The following LYRM4 variants were observed in gnomAD, a reference collection of about 807,000 sequenced individuals.
LYRM4 encodes LYR motif containing 4, also known as LYR motif-containing protein 4.
In LYRM4, 9 loss-of-function variants were observed where a neutral mutation model predicts 11.7. The observed-to-expected ratio is 0.77, with a 90% CI of 0.46 to 1.34. The LOEUF is 1.34. LYRM4 is among the 40% of genes most tolerant of loss of function. The pLI is 0.00. For missense variants in LYRM4, 133 were observed against 112.5 expected, an observed-to-expected ratio of 1.18 and a Z score of -0.82; for synonymous variants, 42 against 40.4, an observed-to-expected ratio of 1.04 and a Z score of -0.15.
intron 2 of LYRM4, among the ~76,000 whole-genome samples, chr6:5,212,666 T>C (rs945887016): frequency 1.3e-5 from 2 of 152,210 alleles, no homozygotes; most frequent in Non-Finnish European, 2.9e-5. Flanking sequence ...AATCATCTTA[T>C]ATGGAAATAA....
the LYRM4 span, among the ~76,000 whole-genome samples, chr6:5,092,595 G>T: frequency 1.3e-5 from 2 of 151,810 alleles, no homozygotes; most frequent in African/African-American, 2.4e-5. Flanking sequence ...GTGCACACCT[G>T]TAGTCCCAGC....
the LYRM4 span, among the ~76,000 whole-genome samples, chr6:5,083,890 TAG>T: frequency 6.6e-6 from 1 of 152,158 alleles, no homozygotes. Flanking sequence ...CACATCCACA[TAG>T]GTTTAAATAC....
intron 2 of LYRM4, among the ~76,000 whole-genome samples, chr6:5,178,422 A>G (rs1759846849): frequency 6.6e-6 from 1 of 151,384 alleles, no homozygotes; most frequent in East Asian, 1.9e-4. Flanking sequence ...GGTTCTTAAA[A>G]AAATTGTTTA....
Position 5,153,978 on chromosome 6 carries a change from G to A in LYRM4, c.208-44487C>T, listed in dbSNP as rs142886475. 4.0e-3 allele frequency among the ~76,000 whole-genome samples: 606 copies of A among 152,086 alleles called. 3 individuals are homozygous for A. The highest frequency in any genetic ancestry group is 0.012 in the African/African-American group (515 of 41,460). ...TGGAATGCTCTGATTGTAAATTGCT[G>A]GCTCTTCCCTACATCTAGTAAAGAA... On this transcript the variant is annotated intron_variant, in intron 2 of 2. Transcript: ENST00000330636.
chr6:5,220,717 C>G (rs1016428989), intron 1 of LYRM4, among the ~76,000 whole-genome samples: 2 of 152,226 alleles, frequency 1.3e-5, no homozygotes, highest in African/African-American at 4.8e-5. Flanking sequence ...TGCCATCTGA[C>G]AATACTGTGT....
chr6:5,114,834 G>A (rs959153521), intron 2 of LYRM4, among the ~76,000 whole-genome samples: 2 of 152,122 alleles, frequency 1.3e-5, no homozygotes, highest in Non-Finnish European at 2.9e-5. Flanking sequence ...TGGACTGCAC[G>A]TGGCCCGCAG....
chr6:5,045,589 G>A, the LYRM4 span, among the ~76,000 whole-genome samples: 9 of 152,232 alleles, frequency 5.9e-5, no homozygotes, highest in Admixed American at 1.3e-4. Flanking sequence ...GAGCAGCTGC[G>A]CTGAGAATGA....
intron 2 of LYRM4, among the ~76,000 whole-genome samples, chr6:5,148,015 C>T (rs899082947): frequency 5.9e-5 from 9 of 152,164 alleles, no homozygotes; most frequent in Non-Finnish European, 7.4e-5. Context: ...ACACCAAGCT[C>T]GTTAGCACTC....
intron 1 of LYRM4, among the ~76,000 whole-genome samples, chr6:5,229,336 C>T (rs1309605684): frequency 6.6e-6 from 1 of 152,126 alleles, no homozygotes; most frequent in East Asian, 1.9e-4. Flanking sequence ...TGGAAATGGC[C>T]AATGTGGTGG....
rs565015893 is a variant in LYRM4, at chr6:5,192,682, T to A, written c.207+23936A>T. On this transcript the variant is annotated intron_variant, in intron 2 of 2. Transcript: ENST00000330636. ...GAGATCTAACTTCTGAATCTGCGCA[T>A]GGTTAAAAGGCACCAAATCCACAAC... 3.3e-5 allele frequency among the ~76,000 whole-genome samples: 5 copies of A among 152,208 alleles called. No individual in the cohort carries two copies. In the South Asian group the frequency reaches 8.3e-4, roughly 25 times the overall value.
chr6:5,153,033 G>A (rs1237446434), intron 2 of LYRM4, among the ~76,000 whole-genome samples: 2 of 152,214 alleles, frequency 1.3e-5, no homozygotes, highest in Non-Finnish European at 2.9e-5. Flanking sequence ...CTGCCTCTGT[G>A]TCCCAGGACT....
In LYRM4 at chr6:5,248,543, A is replaced by G. The variant is rs186746516; in HGVS notation, c.86+12105T>C. On this transcript the variant is annotated intron_variant, in intron 1 of 2. Transcript: ENST00000330636. Reference sequence around the variant, plus strand: ...CCCTCATCTCCCACTACATGCCATCAGCAACACAGAGTGCTAGTAGTTCCT... The same window carrying G: ...CCCTCATCTCCCACTACATGCCATCGGCAACACAGAGTGCTAGTAGTTCCT... Among the ~76,000 whole-genome samples the G allele has an allele frequency of 2.0e-5, 3 of 152,352 alleles. No individual in the cohort carries two copies. The East Asian group carries it at 5.8e-4, about 29-fold the overall frequency.
At chr6:5,079,063 A>G in the LYRM4 span, among the ~76,000 whole-genome samples, 42 of 152,304 alleles carry the variant, frequency 2.8e-4, no homozygotes, top group East Asian at 4.2e-3. Context: ...TAACCAGGAG[A>G]AAAGCACACA....
intron 2 of LYRM4, among the ~76,000 whole-genome samples, chr6:5,126,464 A>G (rs1763704763): frequency 1.3e-5 from 2 of 152,272 alleles, no homozygotes; most frequent in Admixed American, 1.3e-4. Flanking sequence ...AGTACAGTGC[A>G]AGAATGATTC....
At chr6:5,174,961 G>A (rs1043854789) in intron 2 of LYRM4, among the ~76,000 whole-genome samples, 2 of 152,186 alleles carry the variant, frequency 1.3e-5, no homozygotes, top group African/African-American at 2.4e-5. Flanking sequence ...CGTAATTAAT[G>A]CACAAAATGC....
At chr6:5,154,327 T>C (rs1041926721) in intron 2 of LYRM4, among the ~76,000 whole-genome samples, 12 of 152,156 alleles carry the variant, frequency 7.9e-5, no homozygotes, top group South Asian at 2.1e-4. Flanking sequence ...ACTGTGTCTA[T>C]AGGAGTCTGA....
intron 2 of LYRM4, among the ~76,000 whole-genome samples, chr6:5,183,585 C>T (rs1327933568): frequency 6.6e-6 from 1 of 152,206 alleles, no homozygotes; most frequent in East Asian, 1.9e-4. Flanking sequence ...TATGCCTCTA[C>T]AATCTCCAAT....
Position 5,214,980 on chromosome 6 carries a change from C to T in LYRM4, c.207+1638G>A, listed in dbSNP as rs988337900. Among the ~76,000 whole-genome samples, 4 of 152,142 alleles carry T rather than the reference C, an allele frequency of 2.6e-5. No individual in the cohort carries two copies. In the East Asian group the frequency reaches 7.7e-4, roughly 29 times the overall value. On this transcript the variant is annotated intron_variant, in intron 2 of 2. Transcript: ENST00000330636. ...CCCTTGCCCTGCACATGCCACTGCT[C>T]CAGTGCGTCTGTCCTGGGAGGGGAA...
At chr6:5,097,989 C>A in the LYRM4 span, among the ~76,000 whole-genome samples, 1 of 152,082 alleles carries the variant, frequency 6.6e-6, no homozygotes, top group East Asian at 1.9e-4. Context: ...TGTTTTTATA[C>A]AAAAAAAATT....
Sources: gnomAD v4.1 joint callset for allele counts (sites outside exome capture counted in the v4.1 genomes callset) on GRCh38, gnomAD v4.1.1 for gene constraint, MANE v1.5 for transcripts, NCBI Gene and HGNC (gene_info 2026-07-23, HGNC 2026-07-21) for gene names.